UNC13C: variants seen among roughly 807,000 people sequenced by gnomAD.
UNC13C encodes protein unc-13 homolog C.
UNC13C carries 174 observed loss-of-function variants against 245.4 expected under a neutral mutation model. The ratio of observed to expected loss-of-function variants is 0.71; its 90% CI spans 0.63 to 0.80. UNC13C has a LOEUF of 0.80. Among genes scored for constraint, UNC13C ranks in the 30% least tolerant of loss-of-function variants. The pLI, the probability that UNC13C is intolerant of heterozygous loss-of-function variation, is 0.00. For missense variants in UNC13C, 2,829 were observed against 2,602.9 expected (o/e 1.09, Z -1.89); for synonymous variants, 992 against 895.1 (o/e 1.11, Z -1.93).
At chr15:54,268,403 A>G (rs1364612748) in intron 10 of UNC13C, among the ~76,000 whole-genome samples, 4 of 152,098 alleles carry the variant, frequency 2.6e-5, no homozygotes, top group East Asian at 1.9e-4. Flanking sequence ...TCTAACATCT[A>G]TGTCCAATCT....
intron 17 of UNC13C, among the ~76,000 whole-genome samples, chr15:54,373,936 C>G (rs2039549988): frequency 6.6e-6 from 1 of 152,038 alleles, no homozygotes; most frequent in South Asian, 2.1e-4. Flanking sequence ...GTGGGTAGCT[C>G]CTATCCATAG....
chr15:54,145,530 G>C (rs770346787), intron 4 of UNC13C, among the ~76,000 whole-genome samples: 3 of 152,268 alleles, frequency 2.0e-5, no homozygotes, highest in Non-Finnish European at 4.4e-5. Flanking sequence ...TGTGGTGAAA[G>C]ATCATTATGA....
chr15:54,186,644 T>A (rs1202902163), intron 4 of UNC13C, among the ~76,000 whole-genome samples: 14 of 151,840 alleles, frequency 9.2e-5, no homozygotes, highest in Non-Finnish European at 1.5e-5. Flanking sequence ...TGGGAAATAT[T>A]TAATTATGAA....
chr15:54,176,294 G>A (rs1336865713), intron 4 of UNC13C, among the ~76,000 whole-genome samples: 1 of 151,976 alleles, frequency 6.6e-6, no homozygotes, highest in Non-Finnish European at 1.5e-5. Flanking sequence ...GTGGACCAGT[G>A]GCTTCTAGAA....
chr15:53,885,764 T>A, the UNC13C span, among the ~76,000 whole-genome samples: 9 of 152,158 alleles, frequency 5.9e-5, no homozygotes, highest in Admixed American at 5.2e-4. Flanking sequence ...GTACCATAAA[T>A]GTGTGAAACA....
chr15:54,035,706 T>C (rs1363134167), intron 2 of UNC13C, among the ~76,000 whole-genome samples: 1 of 152,080 alleles, frequency 6.6e-6, no homozygotes, highest in Non-Finnish European at 1.5e-5. Context: ...TGCACAGGCA[T>C]GGGAAGTTTT....
intron 19 of UNC13C, among the ~76,000 whole-genome samples, chr15:54,423,367 A>C (rs1221027876): frequency 6.6e-6 from 1 of 151,808 alleles, no homozygotes; most frequent in Admixed American, 6.6e-5. Flanking sequence ...CAAAATACAT[A>C]TTTTAGATAT....
Position 54,500,158 on chromosome 15 carries a change from A to G in UNC13C, c.5140A>G (p.Arg1714Gly). The change falls in exon 21 of 33, where the codon AGA (arginine) becomes GGA (glycine). Residue 1714 changes from arginine to glycine, a missense_variant. Transcript: ENST00000260323. ...GGAATTCCTTCATGGAGCACTGGGA[A>G]GAGACAAAAAAGATGGAGTGAGTTT... ...SMEFLHGALG[R>G]DKKDGFQQTS... 1 of 1,610,082 alleles carries G rather than the reference A, an allele frequency of 6.2e-7. No homozygotes were observed. The highest frequency in any genetic ancestry group is 8.5e-7 in the Non-Finnish European group (1 of 1,178,498).
At chr15:54,538,741 G>A (rs1164192881) in intron 26 of UNC13C, among the ~76,000 whole-genome samples, 2 of 150,892 alleles carry the variant, frequency 1.3e-5, no homozygotes, top group African/African-American at 4.9e-5. Context: ...GAACTAACAC[G>A]GGAACAGGAA....
At chr15:54,385,543 T>G (rs1443972720) in intron 17 of UNC13C, among the ~76,000 whole-genome samples, 6 of 149,044 alleles carry the variant, frequency 4.0e-5, no homozygotes, top group Non-Finnish European at 6.0e-5. Flanking sequence ...CTGGGAAAGG[T>G]GGGTTGTGGC....
At chr15:54,385,177 G>A (rs550297153) in intron 17 of UNC13C, among the ~76,000 whole-genome samples, 75 of 152,262 alleles carry the variant, frequency 4.9e-4, no homozygotes, top group Admixed American at 1.7e-3. Flanking sequence ...ACAAAGAATA[G>A]TGGAAAGATA....
chr15:54,043,176 A>G (rs1896887100), intron 2 of UNC13C, among the ~76,000 whole-genome samples: 1 of 152,228 alleles, frequency 6.6e-6, no homozygotes, highest in African/African-American at 2.4e-5. Flanking sequence ...CAAAGTGGCT[A>G]AAATAATTCT....
At chr15:53,875,707 G>A in the UNC13C span, among the ~76,000 whole-genome samples, 5 of 152,202 alleles carry the variant, frequency 3.3e-5, no homozygotes, top group Non-Finnish European at 7.3e-5. Context: ...TGTGGCACAT[G>A]TAGTTATAAT....
chr15:54,397,083 A>T (rs959017312), intron 18 of UNC13C, among the ~76,000 whole-genome samples: 2 of 151,444 alleles, frequency 1.3e-5, no homozygotes, highest in South Asian at 2.1e-4. Context: ...TTAAGCTTTT[A>T]AAAAAATTCT....
chr15:54,071,452 T>C (rs1337173206), intron 2 of UNC13C, among the ~76,000 whole-genome samples: 1 of 152,180 alleles, frequency 6.6e-6, no homozygotes, highest in Admixed American at 6.6e-5. Flanking sequence ...AATCAGATTA[T>C]TGATATTTCT....
the UNC13C span, among the ~76,000 whole-genome samples, chr15:53,953,764 C>T: frequency 6.6e-6 from 1 of 152,236 alleles, no homozygotes; most frequent in Non-Finnish European, 1.5e-5. Context: ...GATCACAGGG[C>T]TTTCTGATTC....
the UNC13C span, among the ~76,000 whole-genome samples, chr15:53,854,521 A>C: frequency 6.6e-6 from 1 of 152,206 alleles, no homozygotes; most frequent in Non-Finnish European, 1.5e-5. Flanking sequence ...ATGGCTAAGC[A>C]GTTCTCCCAA....
intron 30 of UNC13C, among the ~76,000 whole-genome samples, chr15:54,610,919 A>G (rs1046007410): frequency 1.3e-5 from 2 of 152,236 alleles, no homozygotes; most frequent in Admixed American, 6.5e-5. Flanking sequence ...CAATCTGACC[A>G]ATAGTAGTAA....
chr15:54,260,282 C>A (rs2036389996), intron 8 of UNC13C, among the ~76,000 whole-genome samples: 1 of 152,080 alleles, frequency 6.6e-6, no homozygotes, highest in Non-Finnish European at 1.5e-5. Context: ...GCTAATACTA[C>A]AAATCAGGTT....
Sources: allele counts gnomAD v4.1 joint callset (sites outside exome capture counted in the v4.1 genomes callset), GRCh38; gene constraint gnomAD v4.1.1; transcripts MANE v1.5; gene names NCBI Gene and HGNC (gene_info 2026-07-23, HGNC 2026-07-21).